The following KCNH6 variants were observed in gnomAD, a reference collection of about 807,000 sequenced individuals.
KCNH6 encodes the protein voltage-gated inwardly rectifying potassium channel KCNH6.
Under a neutral mutation model 83.4 loss-of-function variants are expected in KCNH6, and 81 were observed. The observed-to-expected ratio is 0.97, with a 90% CI of 0.81 to 1.17. The LOEUF is 1.17. KCNH6 is among the 50% of genes most tolerant of loss of function. The pLI is 0.00. For missense variants in KCNH6, 1,203 were observed against 1,290.5 expected (o/e 0.93, Z 1.04); for synonymous variants, 503 against 545.6 (o/e 0.92, Z 1.09).
In KCNH6 at chr17:63,530,521, CGTCACTGAGAAG is replaced by C. The variant is rs763319548; in HGVS notation, c.660_671del (p.Glu221_Thr224del). 10 of 1,614,124 alleles carry C rather than the reference CGTCACTGAGAAG, an allele frequency of 6.2e-6. No homozygotes were observed. The highest frequency in any genetic ancestry group is 3.3e-4 in the Middle Eastern group (2 of 6,062). ...ATAAGGTGGTGGAGCGGACACAGAA[CGTCACTGAGAAG>C]GTCACCCAGGTGCGGGCCTGCAGAG... On this transcript the variant is annotated inframe_deletion, in exon 4 of 13. Coordinates refer to ENST00000314672, the MANE Select transcript of KCNH6 (RefSeq NM_001278919.2).
At chr17:63,528,464 G>T (rs2031863223) in intron 2 of KCNH6, among the ~76,000 whole-genome samples, 1 of 152,170 alleles carries the variant, frequency 6.6e-6, no homozygotes, top group Non-Finnish European at 1.5e-5. Context: ...GGGTGGCTCA[G>T]CTGCACCCCA....
chr17:63,527,027 T>C (rs1182987953), intron 2 of KCNH6, among the ~76,000 whole-genome samples: 1 of 151,638 alleles, frequency 6.6e-6, no homozygotes, highest in East Asian at 1.9e-4. Flanking sequence ...AGCACTCAGA[T>C]CCCCCCACTG....
At position 63,545,760 on chromosome 17, in the gene KCNH6, C is replaced by T. The variant is rs576892047; in HGVS notation, c.2735C>T (p.Pro912Leu). ...GGGCTCTGGCCACCCCTAGCCTCAC[C>T]TCTACATCCCCTGGAAGTACAAGGA... ...PEGLWPPLAS[P>L]LHPLEVQGLI... Residue 912 changes from proline to leucine, a missense_variant, in exon 13 of 13, where the codon CCT becomes CTT. Physicochemically the swap from Pro to Leu is moderately conservative, Grantham distance 98. Coordinates refer to ENST00000314672, the MANE Select transcript of KCNH6 (RefSeq NM_001278919.2). 1 of 1,614,180 alleles carries T rather than the reference C, an allele frequency of 6.2e-7. No individual in the cohort carries two copies. The highest frequency in any genetic ancestry group is 1.3e-5 in the African/African-American group (1 of 75,044).
chr17:63,543,708 G>A, intron 10 of KCNH6, 48 bp downstream of exon 10: 1 of 1,128,826 alleles, frequency 8.9e-7, no homozygotes, highest in Non-Finnish European at 1.3e-6. Flanking sequence ...CCCCTGCCCA[G>A]CCTCCTACCC....
intron 8 of KCNH6, among the ~76,000 whole-genome samples, chr17:63,541,139 A>C (rs1309866144): frequency 6.6e-6 from 1 of 152,036 alleles, no homozygotes; most frequent in Non-Finnish European, 1.5e-5. Flanking sequence ...GTGGCACAAC[A>C]TCTTATATTT....
Position 63,533,993 on chromosome 17 carries a change from G to A in KCNH6, c.783G>A (p.Trp261Ter). 6.2e-7 allele frequency: 1 copy of A among 1,614,034 alleles called. No individual in the cohort carries two copies. The highest frequency in any genetic ancestry group is 8.5e-7 in the Non-Finnish European group (1 of 1,180,016). The change falls in exon 5 of 13, where the codon TGG becomes TGA. Residue 261 changes from tryptophan (W) to a stop codon, truncating the protein, a stop_gained. Transcript: ENST00000314672. LOFTEE classifies it high-confidence loss of function. This position sits in a 1 kb window ranked among gnomAD's most constrained non-coding sequence, Gnocchi z 4.1. ...HYSPFKAVWD[W>*]LILLLVIYTA... ...GCCCCTTCAAGGCCGTGTGGGACTG[G>A]CTCATCCTGCTGCTGGTCATCTACA...
rs759041614 is a variant in KCNH6 at position 63,530,254 on chromosome 17, T to C, written c.469+2T>C. On this transcript the variant is annotated splice_donor_variant, in intron 3 of 12. Coordinates refer to ENST00000314672, the MANE Select transcript of KCNH6 (RefSeq NM_001278919.2). LOFTEE classifies it high-confidence loss of function. Reference sequence around the variant, plus strand: ...TGTCCCAGAGCTTCCTGGGCTCCGGTGAGGCAGAGTGAGGGTGGTGGTGGG... The same window carrying C: ...TGTCCCAGAGCTTCCTGGGCTCCGGCGAGGCAGAGTGAGGGTGGTGGTGGG... 3 of 1,613,894 alleles carry C rather than the reference T, an allele frequency of 1.9e-6. No individual in the cohort carries two copies. Among genetic ancestry groups the C allele is most frequent in the South Asian group, 2.2e-5 (2 of 91,078 alleles).
chr17:63,532,392 A>G (rs1472240853), intron 4 of KCNH6, among the ~76,000 whole-genome samples: 1 of 152,200 alleles, frequency 6.6e-6, no homozygotes, highest in African/African-American at 2.4e-5. Flanking sequence ...CATGTGGACC[A>G]AGAGCTGGGC....
In KCNH6 at chr17:63,538,314, A is replaced by T; in HGVS notation, c.1701+50A>T. ...GCCCCGGGCGTGGGGGGGAGCCAAG[A>T]TCCTGCGGGGGCGGGGCGTCCCCAG... is the stretch of plus-strand genomic sequence containing the variant. On this transcript the variant is annotated intron_variant, in intron 7 of 12. Transcript: ENST00000314672. This position sits in a 1 kb window ranked among gnomAD's most constrained non-coding sequence, Gnocchi z 4.0. 1 of 1,610,408 alleles carries T rather than the reference A, an allele frequency of 6.2e-7. No individual in the cohort carries two copies. Among genetic ancestry groups the T allele is most frequent in the Non-Finnish European group, 8.5e-7 (1 of 1,178,006 alleles).
In KCNH6 at chr17:63,535,717, G is replaced by C. The variant is rs747876443; in HGVS notation, c.1150G>C (p.Val384Leu). 7 of 1,613,250 alleles carry C rather than the reference G, an allele frequency of 4.3e-6. No individual in the cohort carries two copies. The highest frequency in any genetic ancestry group is 2.7e-5 in the African/African-American group (2 of 74,668). Residue 384 changes from valine (V) to leucine (L), a missense_variant, in exon 6 of 13, where the codon GTG (valine) becomes CTG (leucine). By Grantham distance (32) the Val-to-Leu change is conservative (BLOSUM62 1). Coordinates refer to ENST00000314672, the MANE Select transcript of KCNH6 (RefSeq NM_001278919.2). This position sits in a 1 kb window ranked among gnomAD's most constrained non-coding sequence, Gnocchi z 4.9. ...GAAGACAGCGCGGCTGCTGCGGCTGGTGCGCGTAGCACGGAAGCTGGACCG... is the reference window on the plus strand; with the variant it reads ...GAAGACAGCGCGGCTGCTGCGGCTGCTGCGCGTAGCACGGAAGCTGGACCG... ...LLKTARLLRLVRVARKLDRYS... is the reference protein window; with the variant it reads ...LLKTARLLRLLRVARKLDRYS...
At position 63,534,335 on chromosome 17, in the gene KCNH6, G is replaced by A; in HGVS notation, c.1101+24G>A. On this transcript the variant is annotated intron_variant, in intron 5 of 12. Coordinates refer to ENST00000314672, the MANE Select transcript of KCNH6 (RefSeq NM_001278919.2). The surrounding 1 kb of genome is among the most constrained non-coding windows in gnomAD (Gnocchi z 5.0). ...AGGTGAGCAGACCCCCTCCAGGCCA[G>A]CAGCCATGGCTGTCCTCTGCACGCT... The A allele has an allele frequency of 6.3e-7, 1 of 1,589,296 alleles. No homozygotes were observed. The highest frequency in any genetic ancestry group is 8.6e-7 in the Non-Finnish European group (1 of 1,166,794).
At chr17:63,543,174 A>AGGGCCCTGCTGGCGT (rs1305972411) in intron 9 of KCNH6, among the ~76,000 whole-genome samples, 2 of 151,998 alleles carry the variant, frequency 1.3e-5, no homozygotes, top group Non-Finnish European at 2.9e-5. Context: ...ACCTTGGGGG[A>AGGGCCCTGCTGGCGT]GGGCCCTGCT....
At position 63,545,935 on chromosome 17, in the gene KCNH6, AGGTG is replaced by A; in HGVS notation, c.*36_*39del. On this transcript the variant is annotated 3_prime_UTR_variant, in exon 13 of 13. Coordinates refer to ENST00000314672, the MANE Select transcript of KCNH6 (RefSeq NM_001278919.2). ...GATAAAGACACCATGAGGGGACTGA[AGGTG>A]GGCAAGGTGAGAGTTAAGGATCTTG... 6.3e-7 allele frequency: 1 copy of A among 1,597,112 alleles called. No homozygotes were observed. Among genetic ancestry groups the A allele is most frequent in the Non-Finnish European group, 8.6e-7 (1 of 1,168,952 alleles).
intron 9 of KCNH6, among the ~76,000 whole-genome samples, chr17:63,542,836 C>G (rs1419790879): frequency 6.6e-6 from 1 of 152,210 alleles, no homozygotes; most frequent in African/African-American, 2.4e-5. Flanking sequence ...AAAGGGGGTG[C>G]CTTCTGTCCA....
intron 4 of KCNH6, among the ~76,000 whole-genome samples, chr17:63,530,987 A>C (rs1166488893): frequency 6.6e-6 from 1 of 152,184 alleles, no homozygotes; most frequent in Non-Finnish European, 1.5e-5. Context: ...TTGAGACAAA[A>C]GCCACCCTCC....
rs539751330 is a variant in KCNH6 at position 63,535,274 on chromosome 17, G to C, written c.1102-395G>C. Among the ~76,000 whole-genome samples the C allele has an allele frequency of 6.6e-6, 1 of 152,062 alleles. No homozygotes were observed. The highest frequency in any genetic ancestry group is 1.5e-5 in the Non-Finnish European group (1 of 68,010). ...AGTGCCACACTCGGTTTCCCACATC[G>C]GCCACGCACTTCACACCTCAGTGCC... is the stretch of plus-strand genomic sequence containing the variant. On this transcript the variant is annotated intron_variant, in intron 5 of 12. Transcript: ENST00000314672. This position sits in a 1 kb window ranked among gnomAD's most constrained non-coding sequence, Gnocchi z 4.9.
In KCNH6 at chr17:63,545,133, C is replaced by T; in HGVS notation, c.2452C>T (p.Pro818Ser). The change falls in exon 12 of 13, where the codon CCC becomes TCC. Residue 818 changes from proline to serine, a missense_variant. Pro to Ser is a moderately conservative substitution (Grantham distance 74, BLOSUM62 -1). Coordinates refer to ENST00000314672, the MANE Select transcript of KCNH6 (RefSeq NM_001278919.2). ...LSRILQLLQKPMPQGHASYIL... is the reference protein window; with the variant it reads ...LSRILQLLQKSMPQGHASYIL... ...CCGCATCTTGCAGCTCCTCCAGAAGCCCATGCCCCAGGGCCACGCCAGCTA... is the reference window on the plus strand; with the variant it reads ...CCGCATCTTGCAGCTCCTCCAGAAGTCCATGCCCCAGGGCCACGCCAGCTA... The T allele has an allele frequency of 6.2e-7, 1 of 1,613,838 alleles. No individual in the cohort carries two copies. Among genetic ancestry groups the T allele is most frequent in the South Asian group, 1.1e-5 (1 of 91,092 alleles).
At position 63,538,384 on chromosome 17, in the gene KCNH6, G is replaced by A. The variant is rs2032655242; in HGVS notation, c.1702-26G>A. On this transcript the variant is annotated intron_variant, in intron 7 of 12. Coordinates refer to ENST00000314672, the MANE Select transcript of KCNH6 (RefSeq NM_001278919.2). This position sits in a 1 kb window ranked among gnomAD's most constrained non-coding sequence, Gnocchi z 4.0. ...CCCAGCCCCACCCCGGCCGCGTCCC[G>A]CTGGACTTGGCCGCCCGCCTTGCAG... is the stretch of plus-strand genomic sequence containing the variant. 11 of 1,587,016 alleles carry A rather than the reference G, an allele frequency of 6.9e-6. No individual in the cohort carries two copies. The highest frequency in any genetic ancestry group is 9.4e-6 in the Non-Finnish European group (11 of 1,168,170).
Position 63,533,982 on chromosome 17 carries a change from G to A in KCNH6, c.772G>A (p.Val258Met), listed in dbSNP as rs202019685. Residue 258 changes from valine to methionine, a missense_variant, in exon 5 of 13, where the codon GTG becomes ATG. Val to Met is a conservative substitution (Grantham distance 21). Transcript: ENST00000314672. This position sits in a 1 kb window ranked among gnomAD's most constrained non-coding sequence, Gnocchi z 4.1. Reference protein sequence around the residue: ...TILHYSPFKAVWDWLILLLVI... With the variant: ...TILHYSPFKAMWDWLILLLVI... Reference sequence around the variant, plus strand: ...CCTGCACTACAGCCCCTTCAAGGCCGTGTGGGACTGGCTCATCCTGCTGCT... The same window carrying A: ...CCTGCACTACAGCCCCTTCAAGGCCATGTGGGACTGGCTCATCCTGCTGCT... 179 of 1,614,032 alleles carry A rather than the reference G, an allele frequency of 1.1e-4. 1 individual carries two copies. The highest frequency in any genetic ancestry group is 3.8e-4 in the Admixed American group (23 of 60,002).
Sources: allele counts gnomAD v4.1 joint callset (sites outside exome capture counted in the v4.1 genomes callset), GRCh38; gene constraint gnomAD v4.1.1; non-coding constraint Gnocchi (gnomAD v3.1); transcripts MANE v1.5; gene names NCBI Gene and HGNC (gene_info 2026-07-23, HGNC 2026-07-21).